CSMD3: variants seen among roughly 807,000 people sequenced by gnomAD.
CSMD3 encodes CUB and sushi domain-containing protein 3.
CSMD3 carries 177 observed loss-of-function variants against 435.2 expected under a neutral mutation model. That is an observed-to-expected ratio of 0.41 (90% CI 0.36 to 0.46). CSMD3 has a LOEUF of 0.46. Ranked by LOEUF, CSMD3 falls within the 20% of genes least tolerant of loss-of-function variation. The pLI is 0.34. For synonymous variants in CSMD3, 1,656 were observed against 1,520.5 expected (o/e 1.09, Z -2.07); for missense variants, 4,265 against 4,504.6 (o/e 0.95, Z 1.52).
chr8:112,814,573 A>G (rs548986874), intron 12 of CSMD3, among the ~76,000 whole-genome samples: 4 of 152,244 alleles, frequency 2.6e-5, no homozygotes, highest in South Asian at 4.1e-4. Flanking sequence ...ACCTGAAGAC[A>G]GCAGTTCGAG....
intron 32 of CSMD3, among the ~76,000 whole-genome samples, chr8:112,411,927 A>T (rs1811394970): frequency 6.6e-6 from 1 of 152,142 alleles, no homozygotes; most frequent in Non-Finnish European, 1.5e-5. Flanking sequence ...TTGTCCAGCA[A>T]ATTGGGTTAC....
At chr8:113,017,087 C>T (rs200953289) in intron 6 of CSMD3, among the ~76,000 whole-genome samples, 6 of 151,932 alleles carry the variant, frequency 3.9e-5, no homozygotes, top group Non-Finnish European at 7.4e-5. Context: ...CACTGCATTT[C>T]CTCTGTTATA....
intron 59 of CSMD3, among the ~76,000 whole-genome samples, chr8:112,265,852 G>T (rs1439427675): frequency 2.6e-5 from 4 of 152,048 alleles, no homozygotes; most frequent in Non-Finnish European, 5.9e-5. Flanking sequence ...CCATTATGTT[G>T]TAGTGAATTT....
intron 38 of CSMD3, among the ~76,000 whole-genome samples, chr8:112,353,199 T>G (rs1826294914): frequency 6.6e-6 from 1 of 152,114 alleles, no homozygotes; most frequent in Admixed American, 6.5e-5. Context: ...GAGACCAGCC[T>G]GGCCACCGTG....
At chr8:112,791,319 G>GGAAAAAAAAAAA (rs56289713) in intron 13 of CSMD3, among the ~76,000 whole-genome samples, 4 of 103,194 alleles carry the variant, frequency 3.9e-5, no homozygotes, top group Admixed American at 1.0e-4. Flanking sequence ...CATATCCTGT[G>GGAAAAAAAAAAA]AAAAAAAAAA....
chr8:112,967,858 T>C (rs2084481854), intron 7 of CSMD3, among the ~76,000 whole-genome samples: 1 of 143,616 alleles, frequency 7.0e-6, no homozygotes. Flanking sequence ...GAAAAGAAGA[T>C]GGAACAGAAA....
intron 10 of CSMD3, among the ~76,000 whole-genome samples, chr8:112,862,036 A>C (rs2080841210): frequency 6.6e-6 from 1 of 151,972 alleles, no homozygotes; most frequent in South Asian, 2.1e-4. Context: ...TGCTCTCTTC[A>C]TGCTGATGAA....
chr8:112,356,392 G>A (rs773924947), intron 38 of CSMD3, among the ~76,000 whole-genome samples: 5 of 152,142 alleles, frequency 3.3e-5, no homozygotes, highest in Non-Finnish European at 7.4e-5. Context: ...TATCTGAGGA[G>A]AATTAATGCA....
At chr8:113,312,807 G>A (rs2093879555) in intron 2 of CSMD3, 2 of 152,134 alleles carry the variant, frequency 1.3e-5, no homozygotes, top group Admixed American at 6.5e-5. Context: ...ACAGCAGTCA[G>A]ACGTGCGTAC....
At chr8:113,068,223 G>A (rs117672483) in intron 5 of CSMD3, among the ~76,000 whole-genome samples, 103 of 152,064 alleles carry the variant, frequency 6.8e-4, no homozygotes, top group African/African-American at 2.0e-3. Context: ...GTGAATTCTC[G>A]ATGACAAACA....
intron 1 of CSMD3, among the ~76,000 whole-genome samples, chr8:113,316,551 CTT>C (rs33988841): frequency 0.67 from 96,643 of 143,672 alleles, 32,359 homozygotes; most frequent in East Asian, 0.74. Flanking sequence ...CAGCTATATA[CTT>C]TTTTTTTTTT....
chr8:112,845,618 C>A (rs2080296733), intron 11 of CSMD3, among the ~76,000 whole-genome samples: 1 of 151,894 alleles, frequency 6.6e-6, no homozygotes, highest in Non-Finnish European at 1.5e-5. Context: ...CTATGCAGAA[C>A]CATTTAAATA....
At chr8:112,716,056 T>G (rs1268938830) in intron 13 of CSMD3, among the ~76,000 whole-genome samples, 2 of 152,134 alleles carry the variant, frequency 1.3e-5, no homozygotes, top group East Asian at 3.9e-4. Flanking sequence ...TTCAGCATAG[T>G]ATTGGAAGAT....
chr8:113,432,986 T>C (rs1055168), intron 1 of CSMD3, among the ~76,000 whole-genome samples: 81,367 of 151,958 alleles, frequency 0.54, 22,143 homozygotes, highest in Admixed American at 0.68. Flanking sequence ...CAGTTTCAAC[T>C]TCGGGTTGTC....
chr8:112,241,825 A>G (rs1458974971), intron 65 of CSMD3, 40 bp from the exon 66 acceptor site: 1 of 1,199,016 alleles, frequency 8.3e-7, no homozygotes. Flanking sequence ...AGTTGATGCA[A>G]TTAATTACAT....
chr8:112,724,309 AG>A (rs1430593677), intron 13 of CSMD3, among the ~76,000 whole-genome samples: 1 of 152,068 alleles, frequency 6.6e-6, no homozygotes, highest in Non-Finnish European at 1.5e-5. Flanking sequence ...ACGAGAAATC[AG>A]GTATAGTTAT....
At chr8:112,452,396 T>C (rs762521358) in intron 32 of CSMD3, among the ~76,000 whole-genome samples, 2 of 152,202 alleles carry the variant, frequency 1.3e-5, no homozygotes, top group Admixed American at 1.3e-4. Flanking sequence ...TTTTCATGTC[T>C]AGTTTACATT....
intron 35 of CSMD3, among the ~76,000 whole-genome samples, chr8:112,400,309 T>C (rs890383225): frequency 6.6e-6 from 1 of 152,152 alleles, no homozygotes; most frequent in Non-Finnish European, 1.5e-5. Flanking sequence ...ATATCCCTGG[T>C]GTTGCTTTTA....
intron 13 of CSMD3, among the ~76,000 whole-genome samples, chr8:112,740,188 A>T (rs947423762): frequency 6.6e-6 from 1 of 151,882 alleles, no homozygotes; most frequent in Admixed American, 6.6e-5. Flanking sequence ...ACACAAAAAT[A>T]TAAAAAAAAT....
Sources: allele counts gnomAD v4.1 joint callset (sites outside exome capture counted in the v4.1 genomes callset), GRCh38; gene constraint gnomAD v4.1.1; transcripts MANE v1.5; gene names NCBI Gene and HGNC (gene_info 2026-07-23, HGNC 2026-07-21).